Variants in LRRTM4 observed in about 807,000 individuals in gnomAD.
LRRTM4 encodes the protein leucine-rich repeat transmembrane neuronal protein 4.
LRRTM4 carries 25 observed loss-of-function variants against 47.6 expected under a neutral mutation model. The ratio of observed to expected loss-of-function variants is 0.53; its 90% CI spans 0.38 to 0.73. The LOEUF is 0.73. Ranked by LOEUF, LRRTM4 falls within the 30% of genes least tolerant of loss-of-function variation. The probability of loss-of-function intolerance (pLI) is 0.00; values close to 1 mark genes in which losing one functional copy is unlikely to be tolerated. For missense variants in LRRTM4, 638 were observed against 713.4 expected, an observed-to-expected ratio of 0.89 and a Z score of 1.20; for synonymous variants, 311 against 269.5, an observed-to-expected ratio of 1.15 and a Z score of -1.51.
At chr2:77,102,986 T>C (rs1359494152) in intron 3 of LRRTM4, among the ~76,000 whole-genome samples, 2 of 152,170 alleles carry the variant, frequency 1.3e-5, no homozygotes, top group African/African-American at 2.4e-5. Context: ...TTTGGGACTT[T>C]AATAGCTGAA....
At chr2:76,827,493 T>C (rs559588001) in intron 3 of LRRTM4, among the ~76,000 whole-genome samples, 2 of 151,954 alleles carry the variant, frequency 1.3e-5, no homozygotes, top group South Asian at 4.1e-4. Flanking sequence ...TCAGATTTAA[T>C]CTGAGGACCA....
At chr2:77,388,891 T>C (rs1673392255) in intron 3 of LRRTM4, among the ~76,000 whole-genome samples, 1 of 152,062 alleles carries the variant, frequency 6.6e-6, no homozygotes, top group Admixed American at 6.6e-5. Flanking sequence ...GTTTCATATA[T>C]AATGCAAGTA....
intron 3 of LRRTM4, among the ~76,000 whole-genome samples, chr2:77,487,012 C>T (rs1287855211): frequency 6.6e-6 from 1 of 152,162 alleles, no homozygotes; most frequent in East Asian, 1.9e-4. Context: ...GTTTCACTTC[C>T]TCTAACATAT....
intron 3 of LRRTM4, among the ~76,000 whole-genome samples, chr2:77,305,488 T>C (rs1360959120): frequency 6.6e-6 from 1 of 152,140 alleles, no homozygotes; most frequent in Admixed American, 6.5e-5. Context: ...TGCTCTTCAT[T>C]TATTAAGACT....
intron 3 of LRRTM4, among the ~76,000 whole-genome samples, chr2:77,033,089 A>G (rs1678718133): frequency 6.6e-6 from 1 of 152,210 alleles, no homozygotes; most frequent in South Asian, 2.1e-4. Context: ...GTTGAAAAAT[A>G]GCTGAAAAAC....
At chr2:76,904,703 T>A (rs113390184) in intron 3 of LRRTM4, among the ~76,000 whole-genome samples, 12 of 152,236 alleles carry the variant, frequency 7.9e-5, no homozygotes, top group African/African-American at 2.9e-4. Flanking sequence ...GTCAGCAAAC[T>A]GACACTCAAA....
chr2:77,160,834 A>G (rs778329777), intron 3 of LRRTM4, among the ~76,000 whole-genome samples: 2 of 152,170 alleles, frequency 1.3e-5, no homozygotes, highest in Non-Finnish European at 2.9e-5. Context: ...GAATTTTGCT[A>G]AGATATTTTC....
At chr2:77,181,732 T>A (rs1331618573) in intron 3 of LRRTM4, among the ~76,000 whole-genome samples, 2 of 151,944 alleles carry the variant, frequency 1.3e-5, no homozygotes. Flanking sequence ...AATAAATTTA[T>A]GATGATGCAA....
chr2:77,095,489 A>G (rs1414301467), intron 3 of LRRTM4, among the ~76,000 whole-genome samples: 1 of 149,734 alleles, frequency 6.7e-6, no homozygotes, highest in African/African-American at 2.5e-5. Flanking sequence ...TAACCAAAAT[A>G]TGAAATACCA....
At chr2:77,026,806 G>A (rs1310180098) in intron 3 of LRRTM4, among the ~76,000 whole-genome samples, 1 of 152,090 alleles carries the variant, frequency 6.6e-6, no homozygotes. Flanking sequence ...ATGTTAGACT[G>A]TAGAAATACA....
intron 3 of LRRTM4, among the ~76,000 whole-genome samples, chr2:77,236,825 T>C (rs1334744030): frequency 1.3e-5 from 2 of 152,172 alleles, no homozygotes; most frequent in East Asian, 3.9e-4. Context: ...GAATCACATT[T>C]ACTGACTTGC....
chr2:77,458,184 T>C (rs978016292), intron 3 of LRRTM4, among the ~76,000 whole-genome samples: 3 of 152,160 alleles, frequency 2.0e-5, no homozygotes, highest in Non-Finnish European at 2.9e-5. Context: ...GTGGGATCTA[T>C]CAGATTAGAT....
At chr2:77,326,577 G>A (rs1670784327) in intron 3 of LRRTM4, among the ~76,000 whole-genome samples, 1 of 151,928 alleles carries the variant, frequency 6.6e-6, no homozygotes, top group African/African-American at 2.4e-5. Flanking sequence ...TTTAACTTTT[G>A]TAGAGACAGG....
intron 3 of LRRTM4, among the ~76,000 whole-genome samples, chr2:77,298,074 C>T (rs1016835272): frequency 1.3e-5 from 2 of 152,104 alleles, no homozygotes; most frequent in Non-Finnish European, 2.9e-5. Context: ...GTAAATTCTG[C>T]CTCTCACTTA....
chr2:76,889,027 T>C (rs963609009), intron 3 of LRRTM4, among the ~76,000 whole-genome samples: 5 of 151,930 alleles, frequency 3.3e-5, no homozygotes, highest in African/African-American at 1.2e-4. Context: ...AATATTTTCA[T>C]TTAAACACTG....
chr2:77,468,743 T>C (rs924640528), intron 3 of LRRTM4, among the ~76,000 whole-genome samples: 4 of 152,108 alleles, frequency 2.6e-5, no homozygotes, highest in Non-Finnish European at 4.4e-5. Context: ...CTCTCCCTGC[T>C]CTCCTCCTGG....
intron 3 of LRRTM4, among the ~76,000 whole-genome samples, chr2:77,081,388 G>A (rs1328923892): frequency 6.6e-6 from 1 of 151,574 alleles, no homozygotes; most frequent in African/African-American, 2.4e-5. Context: ...TAAATTAAAT[G>A]TAAAAGGTGT....
intron 3 of LRRTM4, among the ~76,000 whole-genome samples, chr2:77,476,653 G>A (rs1309811052): frequency 1.3e-5 from 2 of 152,038 alleles, no homozygotes; most frequent in Non-Finnish European, 2.9e-5. Context: ...TCCAAAAAAT[G>A]TTCTAATGAC....
At chr2:77,074,525 T>G (rs1680269665) in intron 3 of LRRTM4, among the ~76,000 whole-genome samples, 2 of 152,098 alleles carry the variant, frequency 1.3e-5, no homozygotes, top group Admixed American at 6.6e-5. Context: ...CTTATGGTAC[T>G]CTATTTCTGG....
Sources: allele counts gnomAD v4.1 joint callset (sites outside exome capture counted in the v4.1 genomes callset), GRCh38; gene constraint gnomAD v4.1.1; transcripts MANE v1.5; gene names NCBI Gene and HGNC (gene_info 2026-07-23, HGNC 2026-07-21).